ADAM12: variants seen among roughly 807,000 people sequenced by gnomAD.
ADAM12 encodes the protein ADAM metallopeptidase domain 12.
ADAM12 carries 70 observed loss-of-function variants against 106.4 expected under a neutral mutation model. The ratio of observed to expected loss-of-function variants is 0.66; its 90% CI spans 0.54 to 0.80. ADAM12 has a LOEUF of 0.80. ADAM12 is among the 30% of genes least tolerant of loss of function. The pLI, the probability that ADAM12 is intolerant of heterozygous loss-of-function variation, is 0.00. For missense variants in ADAM12, 1,010 were observed against 1,171.9 expected, an observed-to-expected ratio of 0.86 and a Z score of 2.02; for synonymous variants, 420 against 433.5, an observed-to-expected ratio of 0.97 and a Z score of 0.39.
At chr10:126,147,241 C>T (rs7084848) in intron 4 of ADAM12, among the ~76,000 whole-genome samples, 49,794 of 152,030 alleles carry the variant, frequency 0.33, 8,474 homozygotes, top group Non-Finnish European at 0.38. Flanking sequence ...TAAGGGGAGA[C>T]ATGTTTCCTT....
At chr10:126,272,803 T>C (rs947614746) in intron 3 of ADAM12, 1 of 373,822 alleles carries the variant, frequency 2.7e-6, no homozygotes, top group Non-Finnish European at 5.6e-6. Context: ...CCTCAGGCTA[T>C]GGTCAGCATT....
chr10:126,225,028 C>T (rs1312085199), intron 3 of ADAM12, among the ~76,000 whole-genome samples: 1 of 152,228 alleles, frequency 6.6e-6, no homozygotes, highest in Non-Finnish European at 1.5e-5. Flanking sequence ...GAGTGAGAAG[C>T]AACTCTTTAG....
intron 3 of ADAM12, among the ~76,000 whole-genome samples, chr10:126,213,260 T>C (rs994178328): frequency 7.9e-5 from 12 of 152,206 alleles, no homozygotes; most frequent in African/African-American, 2.9e-4. Flanking sequence ...TAAAATGCTA[T>C]AGGTTTTCGT....
intron 3 of ADAM12, among the ~76,000 whole-genome samples, chr10:126,276,291 T>C (rs551529200): frequency 5.3e-5 from 8 of 152,344 alleles, no homozygotes; most frequent in African/African-American, 1.7e-4. Context: ...TCTCTGCTTA[T>C]ATTTTTATCT....
intron 5 of ADAM12, among the ~76,000 whole-genome samples, chr10:126,120,188 G>A (rs1956059854): frequency 6.6e-6 from 1 of 152,182 alleles, no homozygotes; most frequent in South Asian, 2.1e-4. Flanking sequence ...GGGGCTAAGG[G>A]AAAATGTCCT....
intron 2 of ADAM12, among the ~76,000 whole-genome samples, chr10:126,317,861 C>A (rs1011217284): frequency 6.6e-6 from 1 of 152,092 alleles, no homozygotes; most frequent in Non-Finnish European, 1.5e-5. Context: ...TGAGTTCAAG[C>A]AATTCTCCTG....
At chr10:126,183,909 C>A (rs1957357147) in intron 3 of ADAM12, among the ~76,000 whole-genome samples, 1 of 152,236 alleles carries the variant, frequency 6.6e-6, no homozygotes, top group East Asian at 1.9e-4. Flanking sequence ...CTGTGACGAA[C>A]ACTAAAAACT....
intron 3 of ADAM12, among the ~76,000 whole-genome samples, chr10:126,163,531 C>G (rs1227370794): frequency 6.6e-6 from 1 of 152,184 alleles, no homozygotes; most frequent in Non-Finnish European, 1.5e-5. Flanking sequence ...ACATGAATGA[C>G]CTCCAAATTG....
At chr10:126,111,877 G>A (rs1374598712) in intron 6 of ADAM12, among the ~76,000 whole-genome samples, 5 of 151,972 alleles carry the variant, frequency 3.3e-5, no homozygotes, top group Non-Finnish European at 7.4e-5. Context: ...TTATCCCCAC[G>A]TGATTTCCAC....
At chr10:126,175,087 TCTG>T (rs1432933715) in intron 3 of ADAM12, among the ~76,000 whole-genome samples, 1 of 152,186 alleles carries the variant, frequency 6.6e-6, no homozygotes, top group Non-Finnish European at 1.5e-5. Context: ...TTTGAGTTTG[TCTG>T]CTATTTCCTT....
At chr10:126,107,629 C>T (rs1160602583) in intron 8 of ADAM12, among the ~76,000 whole-genome samples, 1 of 152,180 alleles carries the variant, frequency 6.6e-6, no homozygotes, top group Admixed American at 6.5e-5. Flanking sequence ...ATGACCAGAT[C>T]CCTTCTCACA....
intron 2 of ADAM12, among the ~76,000 whole-genome samples, chr10:126,328,991 A>G (rs1854407989): frequency 6.6e-6 from 1 of 152,122 alleles, no homozygotes. Flanking sequence ...AAACCAGAGA[A>G]GGCCTGAGCT....
intron 3 of ADAM12, among the ~76,000 whole-genome samples, chr10:126,211,918 G>A (rs1184072425): frequency 1.3e-5 from 2 of 152,224 alleles, no homozygotes; most frequent in Non-Finnish European, 2.9e-5. Context: ...TGGGTTTTCT[G>A]TTACTTGAAA....
At chr10:126,197,920 C>T (rs776462918) in intron 3 of ADAM12, among the ~76,000 whole-genome samples, 5 of 152,304 alleles carry the variant, frequency 3.3e-5, no homozygotes, top group South Asian at 4.1e-4. Flanking sequence ...GTCTCCACCA[C>T]GCATGGGGTG....
In ADAM12 at chr10:126,086,987, C is replaced by T. The variant is rs988065259; in HGVS notation, c.1145+6998G>A. 4.6e-5 allele frequency among the ~76,000 whole-genome samples: 7 copies of T among 151,422 alleles called. No individual in the cohort carries two copies. In the East Asian group the frequency reaches 1.4e-3, roughly 30 times the overall value. On this transcript the variant is annotated intron_variant, in intron 11 of 22. Transcript: ENST00000448723. ...GGTGGAGGTTGCAGTGAGCCAAGAT[C>T]GTGCCACTGTATTCCAGCCTAGGTG... is the stretch of plus-strand genomic sequence containing the variant.
chr10:126,322,410 C>T (rs146761247), intron 2 of ADAM12, among the ~76,000 whole-genome samples: 165 of 152,304 alleles, frequency 1.1e-3, no homozygotes, highest in African/African-American at 3.7e-3. Flanking sequence ...GTTCTCAACC[C>T]GGGGCAATTT....
At chr10:126,350,509 C>A (rs1038951197) in intron 1 of ADAM12, among the ~76,000 whole-genome samples, 1 of 152,202 alleles carries the variant, frequency 6.6e-6, no homozygotes, top group Non-Finnish European at 1.5e-5. Context: ...CAACTAGACT[C>A]ACCTGGCCCT....
At chr10:126,179,183 AG>A (rs1488731788) in intron 3 of ADAM12, among the ~76,000 whole-genome samples, 1 of 152,172 alleles carries the variant, frequency 6.6e-6, no homozygotes. Context: ...CTGTGCCCAA[AG>A]TTTTCGTAAA....
chr10:126,199,092 T>C (rs1263021427), intron 3 of ADAM12, among the ~76,000 whole-genome samples: 1 of 152,170 alleles, frequency 6.6e-6, no homozygotes, highest in East Asian at 1.9e-4. Flanking sequence ...ATTTAAGTTA[T>C]GTAGTCAAGT....
Sources: allele counts gnomAD v4.1 joint callset (sites outside exome capture counted in the v4.1 genomes callset), GRCh38; gene constraint gnomAD v4.1.1; transcripts MANE v1.5; gene names NCBI Gene and HGNC (gene_info 2026-07-23, HGNC 2026-07-21).